ZNF420: variants seen among roughly 807,000 people sequenced by gnomAD.
The protein encoded by ZNF420 is ATM and p53-associated KZNF protein.
A neutral mutation model predicts 44.7 loss-of-function variants in ZNF420; 31 were observed. The ratio of observed to expected loss-of-function variants is 0.69; its 90% CI spans 0.52 to 0.94. The LOEUF (loss-of-function observed/expected upper bound fraction) is 0.94. ZNF420 is among the 40% of genes least tolerant of loss of function. ZNF420 has a pLI of 0.00. For synonymous variants in ZNF420, 245 were observed against 267.4 expected (o/e 0.92, Z 0.82); for missense variants, 681 against 827.9 (o/e 0.82, Z 2.18).
upstream of ZNF420, among the ~76,000 whole-genome samples, chr19:37,075,465 G>A (rs1451198867): frequency 2.0e-5 from 3 of 152,104 alleles, no homozygotes; most frequent in Non-Finnish European, 2.9e-5. Context: ...GAGAGAGGCC[G>A]GGCGCGGTAG....
At chr19:37,012,109 C>A (rs2074573823) in intron 1 of ZNF420, among the ~76,000 whole-genome samples, 2 of 152,156 alleles carry the variant, frequency 1.3e-5, no homozygotes. Context: ...CCCTAGCAGG[C>A]GCCCTGAAGC....
At chr19:37,114,688 G>C (rs377131848) in intron 4 of ZNF420, among the ~76,000 whole-genome samples, 1 of 152,000 alleles carries the variant, frequency 6.6e-6, no homozygotes, top group East Asian at 1.9e-4. Context: ...TGAACTTTCC[G>C]TTCCTTTCCC....
At position 37,126,654 on chromosome 19, in the gene ZNF420, C is replaced by T. The variant is rs535921897; in HGVS notation, c.137-474C>T. Reference sequence around the variant, plus strand: ...ACAGCTATAATTTTAACATGCTCCCCAGGTGATTTTGATCCCCACCAAGGC... The same window carrying T: ...ACAGCTATAATTTTAACATGCTCCCTAGGTGATTTTGATCCCCACCAAGGC... On this transcript the variant is annotated intron_variant, in intron 4 of 4. Transcript: ENST00000337995. Among the ~76,000 whole-genome samples the T allele has an allele frequency of 1.4e-3, 211 of 152,272 alleles. 1 individual carries two copies. Among genetic ancestry groups the T allele is most frequent in the Non-Finnish European group, 2.6e-3 (179 of 68,008 alleles).
At chr19:37,126,715 C>G (rs899641570) in intron 4 of ZNF420, among the ~76,000 whole-genome samples, 2 of 152,168 alleles carry the variant, frequency 1.3e-5, no homozygotes, top group Non-Finnish European at 2.9e-5. Flanking sequence ...TTCTTAATCT[C>G]TTCCCTTATC....
intron 1 of ZNF420, among the ~76,000 whole-genome samples, chr19:37,060,564 T>A (rs557141187): frequency 6.6e-6 from 1 of 151,940 alleles, no homozygotes; most frequent in African/African-American, 2.4e-5. Flanking sequence ...AGGGAGAAAC[T>A]TCATGGAGAT....
chr19:37,020,173 C>T (rs1460834328), intron 1 of ZNF420, among the ~76,000 whole-genome samples: 1 of 149,264 alleles, frequency 6.7e-6, no homozygotes, highest in African/African-American at 2.5e-5. Context: ...GCCCAGATGG[C>T]GCCACTGCAC....
intron 1 of ZNF420, among the ~76,000 whole-genome samples, chr19:37,029,886 A>G (rs1967226212): frequency 6.6e-6 from 1 of 152,202 alleles, no homozygotes; most frequent in Non-Finnish European, 1.5e-5. Context: ...ATATATATAC[A>G]TAGTCAAAGA....
At chr19:37,094,595 G>A (rs1969333248) in intron 4 of ZNF420, among the ~76,000 whole-genome samples, 1 of 152,018 alleles carries the variant, frequency 6.6e-6, no homozygotes, top group Non-Finnish European at 1.5e-5. Context: ...CAATAAACTT[G>A]CTCTATCTCC....
At chr19:37,124,776 T>A in intron 4 of ZNF420, among the ~76,000 whole-genome samples, 1 of 152,158 alleles carries the variant, frequency 6.6e-6, no homozygotes, top group East Asian at 1.9e-4. Flanking sequence ...CAAGTGATTC[T>A]CCTGCCTCAG....
At chr19:37,126,393 G>T (rs1353659076) in intron 4 of ZNF420, among the ~76,000 whole-genome samples, 1 of 152,110 alleles carries the variant, frequency 6.6e-6, no homozygotes, top group African/African-American at 2.4e-5. Context: ...GGCAAATAAG[G>T]AGCGAAGCTG....
chr19:37,084,101 C>T (rs1968624816), intron 2 of ZNF420, among the ~76,000 whole-genome samples: 1 of 152,026 alleles, frequency 6.6e-6, no homozygotes, highest in South Asian at 2.1e-4. Flanking sequence ...TACTTTTAGA[C>T]TAACAATGCC....
chr19:37,056,918 C>T (rs1350292719), intron 1 of ZNF420, among the ~76,000 whole-genome samples: 1 of 152,268 alleles, frequency 6.6e-6, no homozygotes, highest in Non-Finnish European at 1.5e-5. Flanking sequence ...AGCCAAAGGC[C>T]CCTGCCTCTG....
chr19:37,069,640 C>T (rs1025853552), intron 1 of ZNF420, among the ~76,000 whole-genome samples: 2 of 152,006 alleles, frequency 1.3e-5, no homozygotes, highest in African/African-American at 4.8e-5. Flanking sequence ...TTATTGAATA[C>T]TGAACTAAAA....
chr19:37,075,901 G>A (rs1485128273), upstream of ZNF420, among the ~76,000 whole-genome samples: 1 of 152,072 alleles, frequency 6.6e-6, no homozygotes, highest in Non-Finnish European at 1.5e-5. Flanking sequence ...GGAGTTTTGT[G>A]TGTATCCCTC....
chr19:37,026,330 T>C (rs1419539746), intron 1 of ZNF420, among the ~76,000 whole-genome samples: 2 of 151,144 alleles, frequency 1.3e-5, no homozygotes, highest in African/African-American at 4.9e-5. Context: ...GCTCTTTTTT[T>C]TTTTTTTGAG....
At chr19:37,074,786 A>G (rs1236083663), upstream of ZNF420, among the ~76,000 whole-genome samples, 1 of 152,236 alleles carries the variant, frequency 6.6e-6, no homozygotes, top group Non-Finnish European at 1.5e-5. Flanking sequence ...AAAAATAAAC[A>G]AAAATATGTA....
chr19:37,032,494 A>C, intron 1 of ZNF420, among the ~76,000 whole-genome samples: 1 of 137,074 alleles, frequency 7.3e-6, no homozygotes, highest in African/African-American at 2.8e-5. Context: ...GCAGAGTGAG[A>C]CTCGGTCTTT....
chr19:37,121,800 G>C (rs1447007715), intron 4 of ZNF420, among the ~76,000 whole-genome samples: 2 of 152,192 alleles, frequency 1.3e-5, no homozygotes, highest in Non-Finnish European at 2.9e-5. Flanking sequence ...ATCAAAAAGT[G>C]GGTGAAGGAT....
At chr19:37,054,434 C>T (rs757812063) in intron 1 of ZNF420, among the ~76,000 whole-genome samples, 17 of 152,332 alleles carry the variant, frequency 1.1e-4, no homozygotes, top group African/African-American at 3.1e-4. Context: ...AGAAATCACC[C>T]GTCTTCTGCA....
Sources: gnomAD v4.1 joint callset for allele counts (sites outside exome capture counted in the v4.1 genomes callset) on GRCh38, gnomAD v4.1.1 for gene constraint, MANE v1.5 for transcripts, NCBI Gene and HGNC (gene_info 2026-07-23, HGNC 2026-07-21) for gene names.